The following ANO4 variants were observed in gnomAD, a reference collection of about 807,000 sequenced individuals.
The protein encoded by ANO4 is anoctamin-4.
Under a neutral mutation model 141.9 loss-of-function variants are expected in ANO4, and 69 were observed. The ratio of observed to expected loss-of-function variants is 0.49; its 90% CI spans 0.40 to 0.59. The LOEUF (loss-of-function observed/expected upper bound fraction) is 0.59, where lower values mean the gene tolerates loss of function less well. ANO4 is among the 20% of genes least tolerant of loss of function. The pLI is 0.00. For synonymous variants in ANO4, 350 were observed against 394.3 expected, an observed-to-expected ratio of 0.89 and a Z score of 1.33; for missense variants, 894 against 1,162.2, an observed-to-expected ratio of 0.77 and a Z score of 3.36.
chr12:100,823,707 G>A (rs971628258), intron 1 of ANO4, among the ~76,000 whole-genome samples: 1 of 151,856 alleles, frequency 6.6e-6, no homozygotes, highest in Admixed American at 6.6e-5. Context: ...CCCCCATTGG[G>A]CACTTGGATT....
rs2035898506 is a variant in ANO4, at chr12:100,819,138, G to A, written c.-141+24111G>A. Among the ~76,000 whole-genome samples the A allele has an allele frequency of 2.0e-5, 3 of 151,516 alleles. No homozygotes were observed. The South Asian group carries it at 6.2e-4, about 32-fold the overall frequency. ...GATGAATTTTTTTTGTCTAGTAGGT[G>A]TTTAAATGATGCAATAGTAATTTTC... is the stretch of plus-strand genomic sequence containing the variant. On this transcript the variant is annotated intron_variant, in intron 1 of 27. Coordinates refer to ENST00000392977, the MANE Select transcript of ANO4 (RefSeq NM_001286615.2).
At chr12:100,729,097 GTGTT>G (rs1171968548) in intron 1 of ANO4, among the ~76,000 whole-genome samples, 2 of 151,966 alleles carry the variant, frequency 1.3e-5, no homozygotes, top group African/African-American at 2.4e-5. Flanking sequence ...TAATTCAGTT[GTGTT>G]TGTTGTTGAA....
chr12:100,978,682 T>A (rs888835058), intron 7 of ANO4, among the ~76,000 whole-genome samples: 5 of 152,200 alleles, frequency 3.3e-5, no homozygotes, highest in Non-Finnish European at 5.9e-5. Flanking sequence ...ATGTGAGAAA[T>A]ATTCTGAAAT....
At chr12:101,024,046 T>A (rs530501527) in intron 9 of ANO4, among the ~76,000 whole-genome samples, 1 of 152,340 alleles carries the variant, frequency 6.6e-6, no homozygotes, top group East Asian at 1.9e-4. Context: ...TGCCACTATG[T>A]ACATTTTTCA....
At chr12:100,723,507 A>G (rs749714418) in intron 1 of ANO4, among the ~76,000 whole-genome samples, 1 of 152,180 alleles carries the variant, frequency 6.6e-6, no homozygotes, top group Non-Finnish European at 1.5e-5. Flanking sequence ...ATCCTCATGA[A>G]CAAGAAGATA....
At chr12:100,969,210 C>T (rs1360318620) in intron 5 of ANO4, among the ~76,000 whole-genome samples, 2 of 152,146 alleles carry the variant, frequency 1.3e-5, no homozygotes, top group African/African-American at 2.4e-5. Flanking sequence ...TGTGTGTGGT[C>T]CCTCCATGCC....
chr12:101,100,120 G>A (rs184948091), intron 22 of ANO4, among the ~76,000 whole-genome samples: 21 of 152,188 alleles, frequency 1.4e-4, no homozygotes, highest in African/African-American at 4.6e-4. Context: ...ATGAGTTAAT[G>A]CATGAACATG....
chr12:100,937,747 T>G (rs1301652114), intron 3 of ANO4, among the ~76,000 whole-genome samples: 2 of 152,158 alleles, frequency 1.3e-5, no homozygotes, highest in Non-Finnish European at 2.9e-5. Flanking sequence ...CTCTGGAGGC[T>G]CCAGGGGAGA....
chr12:101,112,168 G>A (rs926913212), intron 24 of ANO4, among the ~76,000 whole-genome samples: 2 of 152,180 alleles, frequency 1.3e-5, no homozygotes, highest in Non-Finnish European at 2.9e-5. Context: ...TAGGAAATAC[G>A]GAACTAGGTA....
At chr12:100,963,386 G>T (rs981537201) in intron 5 of ANO4, among the ~76,000 whole-genome samples, 2 of 152,070 alleles carry the variant, frequency 1.3e-5, no homozygotes, top group Admixed American at 1.3e-4. Flanking sequence ...CCAATTTCTT[G>T]TTGCTGTTAC....
intron 2 of ANO4, among the ~76,000 whole-genome samples, chr12:100,918,914 CCCTAAGA>C (rs1252157287): frequency 1.3e-5 from 2 of 152,122 alleles, no homozygotes; most frequent in East Asian, 3.9e-4. Context: ...ATGTTATTGC[CCCTAAGA>C]CCTTCCAGTG....
chr12:101,060,840 C>T (rs183015828), intron 14 of ANO4, among the ~76,000 whole-genome samples: 20 of 152,240 alleles, frequency 1.3e-4, no homozygotes, highest in African/African-American at 4.3e-4. Flanking sequence ...TCCAGTTTGC[C>T]AACCTGTGTC....
intron 1 of ANO4, among the ~76,000 whole-genome samples, chr12:100,833,359 CATAA>C (rs2036736301): frequency 1.3e-5 from 2 of 152,048 alleles, no homozygotes; most frequent in Admixed American, 6.6e-5. Context: ...CATTCACATG[CATAA>C]ATAGATTAGC....
intron 3 of ANO4, among the ~76,000 whole-genome samples, chr12:100,927,292 A>G (rs912036127): frequency 3.3e-5 from 5 of 152,114 alleles, no homozygotes; most frequent in African/African-American, 1.2e-4. Context: ...GAACTTGCAG[A>G]TAGATTTAGT....
intron 14 of ANO4, chr12:101,066,992 T>G (rs1333109823): frequency 1.6e-5 from 4 of 253,410 alleles, no homozygotes; most frequent in South Asian, 9.3e-5. Flanking sequence ...GAACTTAAAG[T>G]ATAACAAAAA....
In ANO4 at chr12:100,988,872, G is replaced by GAAAAAAAAAAAAAAAAAAAAAAAAAA. The variant is rs748666892; in HGVS notation, c.734+1218_734+1219insAAAAAAAAAAAAAAAAAAAAAAAAAA. 9.2e-5 allele frequency among the ~76,000 whole-genome samples: 6 copies of GAAAAAAAAAAAAAAAAAAAAAAAAAA among 65,022 alleles called. 1 individual carries two copies. The highest frequency in any genetic ancestry group is 8.7e-5 in the Non-Finnish European group (3 of 34,330). 42.7% of individuals were successfully genotyped at this position (65,022 alleles called of 152,430 possible). On this transcript the variant is annotated intron_variant, in intron 8 of 27. Coordinates refer to ENST00000392977, the MANE Select transcript of ANO4 (RefSeq NM_001286615.2). ...GGTGACAGAGTGAGACTCTGTCTCA[G>GAAAAAAAAAAAAAAAAAAAAAAAAAA]AAAAAAAAAAAAAAAAGAAAGAAAA...
chr12:101,105,483 G>T (rs2136991490), intron 22 of ANO4, among the ~76,000 whole-genome samples: 1 of 152,286 alleles, frequency 6.6e-6, no homozygotes, highest in South Asian at 2.1e-4. Context: ...GGTTAAAAAA[G>T]AAAATCAGAT....
At position 101,105,273 on chromosome 12, in the gene ANO4, C is replaced by T. The variant is rs558668737; in HGVS notation, c.2150-5131C>T. On this transcript the variant is annotated intron_variant, in intron 22 of 27. Coordinates refer to ENST00000392977, the MANE Select transcript of ANO4 (RefSeq NM_001286615.2). ...GTGATTTCTCTTATCTGCCTAACAT[C>T]ACCAGGAGGAATTCTTTCTTTATGG... Among the ~76,000 whole-genome samples, 61 of 152,178 alleles carry T rather than the reference C, an allele frequency of 4.0e-4. 1 individual carries two copies. The highest frequency in any genetic ancestry group is 3.2e-3 in the Middle Eastern group (1 of 316).
chr12:100,884,170 C>G (rs1368582673), intron 1 of ANO4, among the ~76,000 whole-genome samples: 1 of 152,202 alleles, frequency 6.6e-6, no homozygotes, highest in African/African-American at 2.4e-5. Flanking sequence ...AACCAACTGT[C>G]TATAGAGGCA....
Sources: gnomAD v4.1 joint callset for allele counts (sites outside exome capture counted in the v4.1 genomes callset) on GRCh38, gnomAD v4.1.1 for gene constraint, MANE v1.5 for transcripts, NCBI Gene and HGNC (gene_info 2026-07-23, HGNC 2026-07-21) for gene names.